The following THRB variants were observed in gnomAD, a reference collection of about 807,000 sequenced individuals.
THRB encodes nuclear receptor subfamily 1 group A member 2.
THRB carries 12 observed loss-of-function variants against 47.8 expected under a neutral mutation model. The observed-to-expected ratio is 0.25, with a 90% CI of 0.16 to 0.41. The LOEUF (loss-of-function observed/expected upper bound fraction) is 0.41, where lower values mean the gene tolerates loss of function less well. Among genes scored for constraint, THRB ranks in the 10% least tolerant of loss-of-function variants. THRB has a pLI of 1.00. For synonymous variants in THRB, 218 were observed against 212.2 expected, an observed-to-expected ratio of 1.03 and a Z score of -0.24; for missense variants, 348 against 589.2, an observed-to-expected ratio of 0.59 and a Z score of 4.24.
intron 1 of THRB, among the ~76,000 whole-genome samples, chr3:24,419,420 A>C (rs143726291): frequency 1.0e-3 from 154 of 151,972 alleles, no homozygotes; most frequent in African/African-American, 3.5e-3. Flanking sequence ...CTCTCTCCAG[A>C]TGGAAAGCCA....
At chr3:24,177,121 T>C (rs1209149386) in intron 5 of THRB, among the ~76,000 whole-genome samples, 1 of 152,190 alleles carries the variant, frequency 6.6e-6, no homozygotes, top group African/African-American at 2.4e-5. Context: ...GCCCTGACTC[T>C]GAAATTTGCA....
chr3:24,292,702 T>A (rs1287650779), intron 3 of THRB, among the ~76,000 whole-genome samples: 6 of 152,214 alleles, frequency 3.9e-5, no homozygotes, highest in Non-Finnish European at 8.8e-5. Flanking sequence ...GTCAGTGGTC[T>A]CATTTCAACT....
At chr3:24,235,695 A>G (rs987412213) in intron 3 of THRB, among the ~76,000 whole-genome samples, 6 of 152,088 alleles carry the variant, frequency 3.9e-5, no homozygotes, top group Admixed American at 2.0e-4. Flanking sequence ...TGACGTTATT[A>G]CATACCCTAG....
chr3:24,143,879 C>A, intron 7 of THRB, 173 bp from the exon 8 acceptor site: 1 of 671,046 alleles, frequency 1.5e-6, no homozygotes, highest in Admixed American at 2.2e-5. Context: ...CTGCCATTGA[C>A]TAGTCTTGTC....
chr3:24,182,456 G>T (rs573350950), intron 5 of THRB, among the ~76,000 whole-genome samples: 6 of 152,240 alleles, frequency 3.9e-5, no homozygotes, highest in Admixed American at 2.0e-4. Context: ...AGAGTCAAGG[G>T]ATTTGGCTAT....
chr3:24,492,946 T>C (rs999584800), intron 1 of THRB, among the ~76,000 whole-genome samples: 2 of 152,254 alleles, frequency 1.3e-5, no homozygotes, highest in South Asian at 2.1e-4. Flanking sequence ...CTGTATTTAC[T>C]AGCAGATGGT....
At chr3:24,191,220 C>G (rs1205307807) in intron 4 of THRB, among the ~76,000 whole-genome samples, 1 of 150,752 alleles carries the variant, frequency 6.6e-6, no homozygotes, top group Non-Finnish European at 1.5e-5. Context: ...CTTTACTGCA[C>G]ATGGATATAG....
intron 3 of THRB, among the ~76,000 whole-genome samples, chr3:24,288,363 T>C (rs1292905362): frequency 6.6e-6 from 1 of 152,242 alleles, no homozygotes; most frequent in Non-Finnish European, 1.5e-5. Flanking sequence ...CATTCCATAC[T>C]ACCTAGAAAA....
At position 24,397,008 on chromosome 3, in the gene THRB, T is replaced by C. The variant is rs78524257; in HGVS notation, c.-260-59637A>G. Among the ~76,000 whole-genome samples the C allele has an allele frequency of 4.0e-3, 612 of 152,256 alleles. 3 individuals are homozygous for C. Among genetic ancestry groups the C allele is most frequent in the African/African-American group, 0.014 (571 of 41,566 alleles). ...AATTGGAAATTCAAATACCAGTTTA[T>C]GTGACTTAAGAAATGAAAACAGTAT... is the stretch of plus-strand genomic sequence containing the variant. On this transcript the variant is annotated intron_variant, in intron 1 of 10. Coordinates refer to ENST00000646209, the MANE Select transcript of THRB (RefSeq NM_001354712.2).
intron 4 of THRB, among the ~76,000 whole-genome samples, chr3:24,211,719 A>T (rs1393904479): frequency 6.6e-6 from 1 of 152,182 alleles, no homozygotes; most frequent in African/African-American, 2.4e-5. Context: ...AAGTGATCCT[A>T]CCTTGGCTAA....
intron 4 of THRB, among the ~76,000 whole-genome samples, chr3:24,202,296 T>A (rs1286935481): frequency 6.6e-6 from 1 of 152,218 alleles, no homozygotes; most frequent in African/African-American, 2.4e-5. Context: ...GTTTTTGGTA[T>A]ACAACAAAAA....
intron 1 of THRB, among the ~76,000 whole-genome samples, chr3:24,382,868 C>T (rs1277349955): frequency 6.6e-6 from 1 of 152,130 alleles, no homozygotes; most frequent in Non-Finnish European, 1.5e-5. Context: ...TCCAGCACAG[C>T]ACTTCTCCCC....
intron 3 of THRB, among the ~76,000 whole-genome samples, chr3:24,264,964 T>G (rs78553225): frequency 3.2e-4 from 48 of 152,308 alleles, no homozygotes; most frequent in African/African-American, 1.2e-3. Context: ...ATTAAGATAC[T>G]TTTGAGTGAT....
intron 2 of THRB, among the ~76,000 whole-genome samples, chr3:24,308,750 C>G (rs765098372): frequency 6.6e-6 from 1 of 152,120 alleles, no homozygotes. Context: ...AATATTTGCT[C>G]AATTTTAATT....
chr3:24,221,443 T>TACA (rs2150007110), intron 4 of THRB, among the ~76,000 whole-genome samples: 1 of 152,266 alleles, frequency 6.6e-6, no homozygotes, highest in Non-Finnish European at 1.5e-5. Flanking sequence ...AGCTCTTGGT[T>TACA]ACAGCAGGGC....
At chr3:24,258,102 G>C (rs1397065373) in intron 3 of THRB, among the ~76,000 whole-genome samples, 1 of 152,234 alleles carries the variant, frequency 6.6e-6, no homozygotes, top group Non-Finnish European at 1.5e-5. Context: ...TTTGAACAGA[G>C]AAGAGAGGGA....
At chr3:24,302,833 C>T (rs1036679675) in intron 2 of THRB, among the ~76,000 whole-genome samples, 17 of 152,120 alleles carry the variant, frequency 1.1e-4, no homozygotes, top group South Asian at 2.1e-4. Flanking sequence ...CTTTTGTTCA[C>T]GACTGTACTA....
chr3:24,172,306 C>G (rs1455108430), intron 5 of THRB, among the ~76,000 whole-genome samples: 1 of 151,836 alleles, frequency 6.6e-6, no homozygotes, highest in African/African-American at 2.4e-5. Flanking sequence ...TCTTTACCAA[C>G]GAGGAAAGCT....
chr3:24,224,779 T>C (rs1431289111), intron 4 of THRB, among the ~76,000 whole-genome samples: 1 of 152,224 alleles, frequency 6.6e-6, no homozygotes, highest in Non-Finnish European at 1.5e-5. Flanking sequence ...GATTTATAAA[T>C]ATTCAAATTT....
Sources: gnomAD v4.1 joint callset for allele counts (sites outside exome capture counted in the v4.1 genomes callset) on GRCh38, gnomAD v4.1.1 for gene constraint, MANE v1.5 for transcripts, NCBI Gene and HGNC (gene_info 2026-07-23, HGNC 2026-07-21) for gene names.